ARHGEF6: variants seen among roughly 807,000 people sequenced by gnomAD.
ARHGEF6 encodes Rac/Cdc42 guanine nucleotide exchange factor 6, also known as rho guanine nucleotide exchange factor 6.
ARHGEF6 carries 9 observed loss-of-function variants against 70.3 expected under a neutral mutation model. That is an observed-to-expected ratio of 0.13 (90% CI 0.08 to 0.22). The LOEUF is 0.22. Among genes scored for constraint, ARHGEF6 ranks in the 10% least tolerant of loss-of-function variants. ARHGEF6 has a pLI of 1.00. For synonymous variants in ARHGEF6, 201 were observed against 207.8 expected (o/e 0.97, Z 0.28); for missense variants, 470 against 563.0 (o/e 0.83, Z 1.67).
At chrX:136,686,707 TAC>T (rs1336628157) in intron 11 of ARHGEF6, among the ~76,000 whole-genome samples, 53 of 27,314 alleles carry the variant, frequency 1.9e-3, no homozygotes, top group African/African-American at 5.0e-3. Flanking sequence ...CATATATATA[TAC>T]ATATATATAT....
At position 136,667,704 on chromosome X, in the gene ARHGEF6, A is replaced by G; in HGVS notation, c.*325T>C. 1 of 302,199 alleles carries G rather than the reference A, an allele frequency of 3.3e-6. No individual in the cohort carries two copies. Among genetic ancestry groups the G allele is most frequent in the Non-Finnish European group, 5.9e-6 (1 of 169,140 alleles). 24.9% of individuals were successfully genotyped at this position (302,199 alleles called of 1,213,427 possible). ...CTGAAGGCAATCTGAAGACCTTTTA[A>G]GTAACTGGCCTGCATTCCCTTTCTC... is the stretch of plus-strand genomic sequence containing the variant. On this transcript the variant is annotated 3_prime_UTR_variant, in exon 22 of 22. Transcript: ENST00000250617.
At chrX:136,727,491 TTCTC>T (rs1417602961) in intron 6 of ARHGEF6, among the ~76,000 whole-genome samples, 1 of 99,874 alleles carries the variant, frequency 1.0e-5, no homozygotes, top group Admixed American at 1.1e-4. Flanking sequence ...CCTTCTCTCC[TTCTC>T]TCTCTCTTCC....
At position 136,744,180 on chromosome X, in the gene ARHGEF6, A is replaced by C. The variant is rs761013353; in HGVS notation, c.460-394T>G. On this transcript the variant is annotated intron_variant, in intron 4 of 21. Coordinates refer to ENST00000250617, the MANE Select transcript of ARHGEF6 (RefSeq NM_004840.3). ...AACAGTCCACATAATTATATAACCA[A>C]GATGTACTAACCTACCCTCCATAAA... Among the ~76,000 whole-genome samples the C allele has an allele frequency of 9.8e-5, 11 of 111,878 alleles. No homozygotes were observed. The South Asian group carries it at 3.7e-3, about 38-fold the overall frequency.
chrX:136,765,614 A>C (rs751572923), intron 2 of ARHGEF6, among the ~76,000 whole-genome samples: 16 of 112,983 alleles, frequency 1.4e-4, no homozygotes, highest in Non-Finnish European at 2.8e-4. Context: ...AAAAATTAGT[A>C]GCTTGGAAGA....
At chrX:136,765,937 A>C (rs754374550) in intron 2 of ARHGEF6, among the ~76,000 whole-genome samples, 366 of 112,879 alleles carry the variant, frequency 3.2e-3, no homozygotes, top group Non-Finnish European at 6.0e-3. Context: ...ACTTTGTTCA[A>C]AACTCCAATC....
At chrX:136,687,043 T>C (rs889241764) in intron 11 of ARHGEF6, among the ~76,000 whole-genome samples, 4 of 110,573 alleles carry the variant, frequency 3.6e-5, no homozygotes, top group Non-Finnish European at 5.7e-5. Context: ...AGACTCATTT[T>C]ACATTCCTAT....
chrX:136,709,067 T>G (rs1388261513), intron 7 of ARHGEF6, among the ~76,000 whole-genome samples: 1 of 112,131 alleles, frequency 8.9e-6, no homozygotes, highest in East Asian at 2.8e-4. Context: ...TAGATAAAAA[T>G]ACATCATAGC....
At chrX:136,692,068 A>G (rs955392973) in intron 9 of ARHGEF6, among the ~76,000 whole-genome samples, 5 of 111,058 alleles carry the variant, frequency 4.5e-5, no homozygotes, top group African/African-American at 1.6e-4. Context: ...TTATCCCTGC[A>G]ATCCCCACCC....
At chrX:136,684,503 C>T (rs2076364357) in intron 12 of ARHGEF6, among the ~76,000 whole-genome samples, 1 of 111,405 alleles carries the variant, frequency 9.0e-6, no homozygotes, top group African/African-American at 3.3e-5. Flanking sequence ...CATAATCAAC[C>T]TTTCTCCCTT....
intron 15 of ARHGEF6, among the ~76,000 whole-genome samples, chrX:136,680,455 A>G (rs895045615): frequency 8.9e-6 from 1 of 112,548 alleles, no homozygotes; most frequent in African/African-American, 3.2e-5. Context: ...AAAATATTTT[A>G]GCAGGACTTC....
chrX:136,776,742 A>T (rs1297989708), intron 2 of ARHGEF6, among the ~76,000 whole-genome samples: 1 of 111,688 alleles, frequency 9.0e-6, no homozygotes, highest in Non-Finnish European at 1.9e-5. Flanking sequence ...ATTTCTGCAC[A>T]GCAAAATAAA....
Position 136,694,698 on chromosome X carries a change from G to T in ARHGEF6, c.1047-3950C>A, listed in dbSNP as rs12010038. 4.4e-3 allele frequency among the ~76,000 whole-genome samples: 495 copies of T among 111,738 alleles called. 5 individuals carry two copies. Among genetic ancestry groups the T allele is most frequent in the African/African-American group, 0.015 (472 of 30,693 alleles). On this transcript the variant is annotated intron_variant, in intron 9 of 21. Transcript: ENST00000250617. ...TGAAGCAAGCACAGGAGAGAAGAGGGTATTTTTGTAAAAGAGAGGTTATTC... is the reference window on the plus strand; with the variant it reads ...TGAAGCAAGCACAGGAGAGAAGAGGTTATTTTTGTAAAAGAGAGGTTATTC...
chrX:136,666,870 T>C lies in ARHGEF6; in HGVS notation c.*1159A>G, dbSNP rs1315371794. 8.9e-6 allele frequency: 1 copy of C among 112,249 alleles called. No individual in the cohort carries two copies. Among genetic ancestry groups the C allele is most frequent in the East Asian group, 2.8e-4 (1 of 3,600 alleles). 9.3% of individuals were successfully genotyped at this position (112,249 alleles called of 1,213,427 possible). A position where few individuals can be genotyped will look rare whatever the true frequency, so the allele number is the denominator to read the frequency against. On this transcript the variant is annotated 3_prime_UTR_variant, in exon 22 of 22. Transcript: ENST00000250617. ...AGCTACTAGAGGGGCCCTTTTGTTCTGGATGTACAAGTTGGACCAGAAGCA... is the reference window on the plus strand; with the variant it reads ...AGCTACTAGAGGGGCCCTTTTGTTCCGGATGTACAAGTTGGACCAGAAGCA...
chrX:136,762,811 G>A (rs767217982), intron 2 of ARHGEF6, among the ~76,000 whole-genome samples: 2 of 111,994 alleles, frequency 1.8e-5, no homozygotes, highest in Admixed American at 9.4e-5. Context: ...TACTTAATAA[G>A]TGGTATTACT....
At chrX:136,690,792 A>C in intron 9 of ARHGEF6, 44 bp from the exon 10 acceptor site, 1,259 of 1,132,945 alleles carry the variant, frequency 1.1e-3, no homozygotes, top group Non-Finnish European at 1.4e-3. Flanking sequence ...TGAATATCTC[A>C]TGTAAAGAAT....
intron 2 of ARHGEF6, among the ~76,000 whole-genome samples, chrX:136,769,805 T>C (rs1049296516): frequency 4.5e-5 from 5 of 112,274 alleles, no homozygotes; most frequent in African/African-American, 1.6e-4. Flanking sequence ...CCATATATTC[T>C]GGAAACTTCA....
intron 11 of ARHGEF6, among the ~76,000 whole-genome samples, chrX:136,686,661 CATGTGTATATATATATACACA>C (rs2076400310): frequency 1.5e-5 from 1 of 66,060 alleles, no homozygotes; most frequent in Non-Finnish European, 2.8e-5. Context: ...TATATATACA[CATGTGTATATATATATACACA>C]TATATATATA....
intron 2 of ARHGEF6, among the ~76,000 whole-genome samples, chrX:136,775,436 A>G: frequency 8.9e-6 from 1 of 112,153 alleles, no homozygotes; most frequent in East Asian, 2.8e-4. Flanking sequence ...ACAGAATTAA[A>G]AACAAAAATC....
intron 6 of ARHGEF6, among the ~76,000 whole-genome samples, chrX:136,722,762 A>G (rs2062278597): frequency 1.8e-5 from 2 of 112,371 alleles, no homozygotes; most frequent in Admixed American, 1.9e-4. Context: ...ATTCCTCAGA[A>G]AGTCAAACAT....
Sources: gnomAD v4.1 joint callset for allele counts (sites outside exome capture counted in the v4.1 genomes callset) on GRCh38, gnomAD v4.1.1 for gene constraint, MANE v1.5 for transcripts, NCBI Gene and HGNC (gene_info 2026-07-23, HGNC 2026-07-21) for gene names.